The following DHX16 variants were observed in gnomAD, a reference collection of about 807,000 sequenced individuals.
DHX16 encodes the protein DEAH-box helicase 16.
In DHX16, 81 loss-of-function variants were observed where a neutral mutation model predicts 131.2. The observed-to-expected ratio is 0.62, with a 90% CI of 0.52 to 0.74. The LOEUF is 0.74. DHX16 is among the 30% of genes least tolerant of loss of function. DHX16 has a pLI of 0.00. For synonymous variants in DHX16, 440 were observed against 520.2 expected (o/e 0.85, Z 2.10); for missense variants, 980 against 1,363.1 (o/e 0.72, Z 4.43).
chr6:30,670,968 G>A lies in DHX16; in HGVS notation c.447-16C>T. 1 of 1,613,050 alleles carries A rather than the reference G, an allele frequency of 6.2e-7. No individual in the cohort carries two copies. The highest frequency in any genetic ancestry group is 8.5e-7 in the Non-Finnish European group (1 of 1,180,016). Reference sequence around the variant, plus strand: ...TTTACTCCCCCTGCAGCCCATCCAGGGGATTAAATAAGGGCATAGAGAACA... The same window carrying A: ...TTTACTCCCCCTGCAGCCCATCCAGAGGATTAAATAAGGGCATAGAGAACA... On this transcript the variant is annotated splice_polypyrimidine_tract_variant and intron_variant, in intron 2 of 19. Transcript: ENST00000376442. This position sits in a 1 kb window ranked among gnomAD's most constrained non-coding sequence, Gnocchi z 4.4.
In DHX16 at chr6:30,662,062, A is replaced by G. The variant is rs989602882; in HGVS notation, c.1544+565T>C. 10 of 582,642 alleles carry G rather than the reference A, an allele frequency of 1.7e-5. No homozygotes were observed. Among genetic ancestry groups the G allele is most frequent in the African/African-American group, 1.7e-4 (9 of 53,432 alleles). The allele number at this position is 582,642 out of a possible 1,614,324, so 36.1% of individuals were successfully genotyped here. ...ATGTTCAACCAACCCCTGCTTGGCC[A>G]TTTCCAGCACTAAGAGCTCATTATT... On this transcript the variant is annotated intron_variant, in intron 9 of 19. Transcript: ENST00000376442. This position sits in a 1 kb window ranked among gnomAD's most constrained non-coding sequence, Gnocchi z 4.7.
Position 30,659,553 on chromosome 6 carries a change from G to C in DHX16, c.1926C>G (p.Leu642=). 6.2e-7 allele frequency: 1 copy of C among 1,612,530 alleles called. No individual in the cohort carries two copies. Among genetic ancestry groups the C allele is most frequent in the Non-Finnish European group, 8.5e-7 (1 of 1,179,764 alleles). Residue 642 remains leucine (L), a synonymous_variant, in exon 12 of 20, where the codon CTC becomes CTG. Coordinates refer to ENST00000376442, the MANE Select transcript of DHX16 (RefSeq NM_003587.5). The part of the protein sequence containing the change: ...CRRLGSKIRE[L]LVLPIYANLP... ...GATTGGCATAAATGGGCAGCACCAG[G>C]AGCTCCCGGATTTTGGAGCCCAGGC...
At position 30,670,803 on chromosome 6, in the gene DHX16, C is replaced by T. The variant is rs765057075; in HGVS notation, c.596G>A (p.Arg199Gln). 6.2e-7 allele frequency: 1 copy of T among 1,612,942 alleles called. No individual in the cohort carries two copies. Among genetic ancestry groups the T allele is most frequent in the Non-Finnish European group, 8.5e-7 (1 of 1,180,024 alleles). Residue 199 changes from arginine (R) to glutamine (Q), a missense_variant, in exon 3 of 20, where the codon CGG becomes CAG. By Grantham distance (43) the Arg-to-Gln change is conservative. Transcript: ENST00000376442. The surrounding 1 kb of genome is among the most constrained non-coding windows in gnomAD (Gnocchi z 4.4). ...GCTCCTATTCACCTTCTTGTCTGAC[C>T]GTTCCAGGACATTTCGAGTCCGATC... ...DKDRTRNVLE[R>Q]SDKKAYEEAQ...
chr6:30,661,156 C>A (rs1221349388), intron 9 of DHX16, among the ~76,000 whole-genome samples: 1 of 152,136 alleles, frequency 6.6e-6, no homozygotes, highest in Non-Finnish European at 1.5e-5. Context: ...CGGCTCACCG[C>A]AAGCTCCGCC....
rs1287182999 is a variant in DHX16 at position 30,656,904 on chromosome 6, C to T, written c.2148+48G>A. On this transcript the variant is annotated intron_variant, in intron 13 of 19. Coordinates refer to ENST00000376442, the MANE Select transcript of DHX16 (RefSeq NM_003587.5). The surrounding 1 kb of genome is among the most constrained non-coding windows in gnomAD (Gnocchi z 5.1). ...ACCCTGCTTCTGAGTTGGACCTTCT[C>T]TGTGGGCCAACTCCACCTCCCCCAC... The T allele has an allele frequency of 6.3e-6, 10 of 1,596,412 alleles. No individual in the cohort carries two copies. Among genetic ancestry groups the T allele is most frequent in the African/African-American group, 1.3e-5 (1 of 74,674 alleles).
chr6:30,655,760 G>A (rs983074357), intron 16 of DHX16, among the ~76,000 whole-genome samples, 163 bp from the exon 17 acceptor site: 1 of 152,186 alleles, frequency 6.6e-6, no homozygotes, highest in African/African-American at 2.4e-5. Flanking sequence ...GCAGCAGCTT[G>A]GGGGTCAAGG....
intron 7 of DHX16, 96 bp from the exon 8 acceptor site, chr6:30,663,117 A>G (rs758942981): frequency 1.2e-5 from 12 of 970,260 alleles, no homozygotes; most frequent in Non-Finnish European, 1.7e-5. Context: ...AAAACCAGGC[A>G]GGAGAAAAGG....
intron 19 of DHX16, among the ~76,000 whole-genome samples, chr6:30,654,427 G>A (rs1206287246): frequency 6.6e-6 from 1 of 152,116 alleles, no homozygotes; most frequent in African/African-American, 2.4e-5. Flanking sequence ...GCTTGCGCCT[G>A]TAATCTCAGC....
intron 1 of DHX16, 45 bp from the exon 2 acceptor site, chr6:30,671,319 C>A (rs1437912295): frequency 6.5e-7 from 1 of 1,545,718 alleles, no homozygotes; most frequent in Non-Finnish European, 8.9e-7. Context: ...AACTCCTGAT[C>A]TCTGCCCTCC....
Position 30,670,755 on chromosome 6 carries a change from C to T in DHX16, c.609+35G>A. 6.2e-7 allele frequency: 1 copy of T among 1,611,006 alleles called. No homozygotes were observed. The highest frequency in any genetic ancestry group is 1.3e-5 in the African/African-American group (1 of 75,036). ...CCAACCTCAGATTTCACCCTGGGAT[C>T]TTGGGGATTTACAGAACATGCTGCT... On this transcript the variant is annotated intron_variant, in intron 3 of 19. Coordinates refer to ENST00000376442, the MANE Select transcript of DHX16 (RefSeq NM_003587.5). This position sits in a 1 kb window ranked among gnomAD's most constrained non-coding sequence, Gnocchi z 4.4.
At chr6:30,657,915 T>C (rs1768130724) in intron 12 of DHX16, among the ~76,000 whole-genome samples, 1 of 152,126 alleles carries the variant, frequency 6.6e-6, no homozygotes, top group African/African-American at 2.4e-5. Flanking sequence ...TGGCCACAAA[T>C]TGACAATATG....
At position 30,662,953 on chromosome 6, in the gene DHX16, G is replaced by A. The variant is rs141437592; in HGVS notation, c.1386C>T (p.Ala462=). 61 of 1,613,248 alleles carry A rather than the reference G, an allele frequency of 3.8e-5. No individual in the cohort carries two copies. In the East Asian group the frequency reaches 6.7e-4, roughly 18 times the overall value. ...CACCCATCTCCCGGGCCACTCGGGCGGCCACACTCATGGCAGCCACTCTCC... is the reference window on the plus strand; with the variant it reads ...CACCCATCTCCCGGGCCACTCGGGCAGCCACACTCATGGCAGCCACTCTCC... ...QPRRVAAMSV[A]ARVAREMGVK... The change falls in exon 8 of 20, where the codon GCC becomes GCT. Residue 462 remains alanine, a synonymous_variant. Transcript: ENST00000376442. The surrounding 1 kb of genome is among the most constrained non-coding windows in gnomAD (Gnocchi z 4.7).
At chr6:30,653,433 A>G in intron 19 of DHX16, 63 bp from the exon 20 acceptor site, 1 of 1,506,836 alleles carries the variant, frequency 6.6e-7, no homozygotes, top group Non-Finnish European at 8.9e-7. Context: ...TGTTGTTGTT[A>G]TTTTTTTTTC....
chr6:30,653,419 C>G, intron 19 of DHX16, 49 bp from the exon 20 acceptor site: 16 of 1,549,216 alleles, frequency 1.0e-5, no homozygotes, highest in African/African-American at 1.4e-5. Context: ...CAACATAGAT[C>G]TTTTGTTGTT....
chr6:30,656,998 T>C lies in DHX16; in HGVS notation c.2102A>G (p.Asn701Ser). The C allele has an allele frequency of 6.2e-7, 1 of 1,612,686 alleles. No homozygotes were observed. The highest frequency in any genetic ancestry group is 8.5e-7 in the Non-Finnish European group (1 of 1,179,928). ...GAGCGATTCCATGCCTGTGCGGGGG[T>C]TGTAGCTCTTCTGCTTACAGAACCC... is the stretch of plus-strand genomic sequence containing the variant. ...DPGFCKQKSY[N>S]PRTGMESLTV... The change falls in exon 13 of 20, where the codon AAC (asparagine) becomes AGC (serine). Residue 701 changes from asparagine to serine, a missense_variant. Asn to Ser is a conservative substitution (Grantham distance 46, BLOSUM62 1). This residue lies in a region of DHX16 where 309 missense variants were observed against 537.1 expected (regional missense o/e 0.58). Transcript: ENST00000376442. The surrounding 1 kb of genome is among the most constrained non-coding windows in gnomAD (Gnocchi z 5.1).
intron 18 of DHX16, 93 bp downstream of exon 18, chr6:30,655,082 T>G: frequency 1.3e-6 from 2 of 1,534,196 alleles, no homozygotes. Flanking sequence ...GAGGGCATGC[T>G]CTCACGCTGG....
chr6:30,667,845 G>A (rs1769188534), intron 4 of DHX16, among the ~76,000 whole-genome samples: 1 of 152,116 alleles, frequency 6.6e-6, no homozygotes, highest in Non-Finnish European at 1.5e-5. Flanking sequence ...CTGCTTCAAA[G>A]AAAGCACAGG....
chr6:30,666,398 T>G (rs1176936050), intron 4 of DHX16, among the ~76,000 whole-genome samples: 2 of 152,192 alleles, frequency 1.3e-5, no homozygotes, highest in Non-Finnish European at 1.5e-5. Context: ...CAGGACACAT[T>G]ATGGATGACA....
intron 12 of DHX16, among the ~76,000 whole-genome samples, chr6:30,657,411 A>C (rs931319635): frequency 2.0e-5 from 3 of 151,682 alleles, no homozygotes; most frequent in African/African-American, 7.3e-5. Context: ...TCTTCACACA[A>C]CACTTCCTGT....
Sources: allele counts gnomAD v4.1 joint callset (sites outside exome capture counted in the v4.1 genomes callset), GRCh38; gene constraint gnomAD v4.1.1; regional missense constraint gnomAD v4.1.1; non-coding constraint Gnocchi (gnomAD v3.1); transcripts MANE v1.5; gene names NCBI Gene and HGNC (gene_info 2026-07-23, HGNC 2026-07-21).